Variants in FAM25G observed in about 807,000 individuals in gnomAD.
FAM25G encodes protein FAM25G.
Under a neutral mutation model 6.4 loss-of-function variants are expected in FAM25G, and 3 were observed. That is an observed-to-expected ratio of 0.47 (90% CI 0.21 to 1.21). The LOEUF (loss-of-function observed/expected upper bound fraction) is 1.21, where lower values mean the gene tolerates loss of function less well. Ranked by LOEUF, FAM25G falls within the 50% of genes most tolerant of loss-of-function variation. FAM25G has a pLI of 0.22. For synonymous variants in FAM25G, 15 were observed against 31.3 expected (o/e 0.48, Z 1.74); for missense variants, 34 against 76.0 (o/e 0.45, Z 2.06).
intron 2 of FAM25G, among the ~76,000 whole-genome samples, chr10:47,487,850 T>A (rs1840074357): frequency 6.7e-6 from 1 of 149,892 alleles, no homozygotes; most frequent in South Asian, 2.1e-4. Flanking sequence ...GGCGCTGATT[T>A]TTTTGTCATA....
chr10:47,491,689 C>G lies in FAM25G; in HGVS notation c.-15G>C. On this transcript the variant is annotated 5_prime_UTR_variant, in exon 1 of 3. Transcript: ENST00000452267. Reference sequence around the variant, plus strand: ...CCTCCCAGCATCGTGTGGCAGCAGACAGTGGCGAACTAGGATGCTGAGGAC... The same window carrying G: ...CCTCCCAGCATCGTGTGGCAGCAGAGAGTGGCGAACTAGGATGCTGAGGAC... 1 of 1,537,918 alleles carries G rather than the reference C, an allele frequency of 6.5e-7. No individual in the cohort carries two copies. The highest frequency in any genetic ancestry group is 8.8e-7 in the Non-Finnish European group (1 of 1,137,914).
chr10:47,488,707 T>C (rs1251141028), intron 2 of FAM25G, among the ~76,000 whole-genome samples: 29 of 132,926 alleles, frequency 2.2e-4, no homozygotes, highest in African/African-American at 7.0e-4. Flanking sequence ...GAATTTTACA[T>C]GTTAAATTTT....
chr10:47,490,207 G>GT (rs1164405942), intron 1 of FAM25G: 1 of 176,502 alleles, frequency 5.7e-6, no homozygotes, highest in African/African-American at 2.4e-5. Flanking sequence ...CTACTTCAGA[G>GT]TTTTTTAAAG....
At chr10:47,488,713 A>ATTT (rs1160121365) in intron 2 of FAM25G, among the ~76,000 whole-genome samples, 3,239 of 62,180 alleles carry the variant, frequency 0.052, 293 homozygotes, top group African/African-American at 0.065. Flanking sequence ...TACATGTTAA[A>ATTT]TTTTTTTTTT....
rs1406405362 is a variant in FAM25G at position 47,491,557 on chromosome 10, C to T, written c.73+45G>A. 6 of 1,471,908 alleles carry T rather than the reference C, an allele frequency of 4.1e-6. No homozygotes were observed. In the South Asian group the frequency reaches 7.5e-5, roughly 18 times the overall value. The allele number at this position is 1,471,908 out of a possible 1,614,324, so 91.2% of individuals were successfully genotyped here. A position where few individuals can be genotyped will look rare whatever the true frequency, so the allele number is the denominator to read the frequency against. ...TCCGCCTCCCACAGACCCAGTCTGC[C>T]CCAGATCCCCCCAGCCCAGGTAGAA... On this transcript the variant is annotated intron_variant, in intron 1 of 2. Transcript: ENST00000452267.
At chr10:47,491,553 C>T in intron 1 of FAM25G, 49 bp downstream of exon 1, 1 of 1,453,454 alleles carries the variant, frequency 6.9e-7, no homozygotes, top group Middle Eastern at 2.5e-4. Context: ...CAGACCCAGT[C>T]TGCCCCAGAT....
At chr10:47,487,932 G>A (rs1329470240) in intron 2 of FAM25G, among the ~76,000 whole-genome samples, 39 of 151,040 alleles carry the variant, frequency 2.6e-4, no homozygotes, top group East Asian at 2.0e-4. Context: ...AAATGTTTAC[G>A]ATGTCTTCCC....
In FAM25G at chr10:47,490,027, A is replaced by C. The variant is rs1351686894; in HGVS notation, c.74-379T>G. ...TTGGCCCTGCCCGGCCTGGAATGGC[A>C]ATGAGCAGGCAGTCTTGCCAGCTGA... On this transcript the variant is annotated intron_variant, in intron 1 of 2. Transcript: ENST00000452267. Among the ~76,000 whole-genome samples the C allele has an allele frequency of 2.0e-5, 3 of 150,102 alleles. No homozygotes were observed. The South Asian group carries it at 6.3e-4, about 31-fold the overall frequency.
chr10:47,488,713 ATTTTTTTTTT>A (rs1160121365), intron 2 of FAM25G, among the ~76,000 whole-genome samples: 3 of 62,116 alleles, frequency 4.8e-5, no homozygotes, highest in Non-Finnish European at 8.2e-5. Context: ...TACATGTTAA[ATTTTTTTTTT>A]TTTTTTTTTT....
Position 47,489,914 on chromosome 10 carries a change from C to A in FAM25G, c.74-266G>T, listed in dbSNP as rs1449336923. Among the ~76,000 whole-genome samples, 4 of 150,366 alleles carry A rather than the reference C, an allele frequency of 2.7e-5. 1 individual carries two copies. The East Asian group carries it at 7.8e-4, about 30-fold the overall frequency. On this transcript the variant is annotated intron_variant, in intron 1 of 2. Transcript: ENST00000452267. Reference sequence around the variant, plus strand: ...GACTCATGAGAAGGACCTTCCCCCACAGCTGGCTTCATTTGGAGACGCCAG... The same window carrying A: ...GACTCATGAGAAGGACCTTCCCCCAAAGCTGGCTTCATTTGGAGACGCCAG...
At chr10:47,490,673 A>G (rs1303129309) in intron 1 of FAM25G, among the ~76,000 whole-genome samples, 7,371 of 131,942 alleles carry the variant, frequency 0.056, 29 homozygotes, top group African/African-American at 0.14. Flanking sequence ...AGGAATCATA[A>G]AAAACTCAGA....
intron 2 of FAM25G, among the ~76,000 whole-genome samples, chr10:47,488,713 ATTTT>A (rs1160121365): frequency 3.1e-3 from 194 of 62,016 alleles, no homozygotes; most frequent in African/African-American, 0.013. Flanking sequence ...TACATGTTAA[ATTTT>A]TTTTTTTTTT....
At chr10:47,488,002 C>A (rs1434858138) in intron 2 of FAM25G, among the ~76,000 whole-genome samples, 1 of 147,284 alleles carries the variant, frequency 6.8e-6, no homozygotes, top group Admixed American at 6.9e-5. Flanking sequence ...GGGGTGGGGC[C>A]TTTGGGAGGT....
At chr10:47,489,965 C>T (rs1565823957) in intron 1 of FAM25G, among the ~76,000 whole-genome samples, 1 of 150,644 alleles carries the variant, frequency 6.6e-6, no homozygotes, top group Non-Finnish European at 1.5e-5. Context: ...GAGACGAGCT[C>T]AATGAGCCCC....
chr10:47,490,266 T>C (rs1840126695), intron 1 of FAM25G: 3 of 159,654 alleles, frequency 1.9e-5, no homozygotes, highest in Non-Finnish European at 4.2e-5. Flanking sequence ...TCAGAAGAAA[T>C]GGTTCTTATT....
At chr10:47,488,934 C>A (rs1215794011) in intron 2 of FAM25G, among the ~76,000 whole-genome samples, 1 of 147,740 alleles carries the variant, frequency 6.8e-6, no homozygotes. Context: ...TCACCGTGGT[C>A]TGGATCTCCT....
chr10:47,488,606 A>G (rs1186214370), intron 2 of FAM25G, among the ~76,000 whole-genome samples: 1 of 150,132 alleles, frequency 6.7e-6, no homozygotes, highest in Non-Finnish European at 1.5e-5. Context: ...ATCTACCTGG[A>G]ATCTATTTTG....
chr10:47,487,291 T>G lies in FAM25G; in HGVS notation c.254A>C (p.Asp85Ala), dbSNP rs1840065202. 3 of 1,079,608 alleles carry G rather than the reference T, an allele frequency of 2.8e-6. No homozygotes were observed. The African/African-American group carries it at 4.9e-5, about 18-fold the overall frequency. The allele number at this position is 1,079,608 out of a possible 1,614,324, so 66.9% of individuals were successfully genotyped here. ...NAITHAAESL[D>A]KLGQ is the part of the protein sequence containing the mutation. Reference sequence around the variant, plus strand: ...CAGGTGCACTCACTGTCCAAGTTTGTCCAGACTTTCTGCTGCATGGGTGAT... The same window carrying G: ...CAGGTGCACTCACTGTCCAAGTTTGGCCAGACTTTCTGCTGCATGGGTGAT... The change falls in exon 3 of 3, where the codon GAC becomes GCC. Residue 85 changes from aspartate (D) to alanine (A), a missense_variant. Coordinates refer to ENST00000452267, the MANE Select transcript of FAM25G (RefSeq NM_001137549.2).
chr10:47,489,435 T>C (rs1450189818), intron 2 of FAM25G, among the ~76,000 whole-genome samples, 151 bp downstream of exon 2: 3 of 150,318 alleles, frequency 2.0e-5, no homozygotes, highest in Non-Finnish European at 4.4e-5. Flanking sequence ...TGGCCTCTGA[T>C]GAGCATAGAT....
Sources: allele counts gnomAD v4.1 joint callset (sites outside exome capture counted in the v4.1 genomes callset), GRCh38; gene constraint gnomAD v4.1.1; transcripts MANE v1.5; gene names NCBI Gene and HGNC (gene_info 2026-07-23, HGNC 2026-07-21).